The following DACH2 variants were observed in gnomAD, a reference collection of about 807,000 sequenced individuals.
The protein encoded by DACH2 is dachshund family transcription factor 2, also known as dachshund homolog 2.
Under a neutral mutation model 35.8 loss-of-function variants are expected in DACH2, and 17 were observed. That is an observed-to-expected ratio of 0.48 (90% CI 0.33 to 0.71). The LOEUF is 0.71. Among genes scored for constraint, DACH2 ranks in the 30% least tolerant of loss-of-function variants. DACH2 has a pLI of 0.02. For missense variants in DACH2, 469 were observed against 472.7 expected, an observed-to-expected ratio of 0.99 and a Z score of 0.07; for synonymous variants, 195 against 177.3, an observed-to-expected ratio of 1.10 and a Z score of -0.79.
intron 7 of DACH2, among the ~76,000 whole-genome samples, chrX:86,765,665 G>A (rs1291864548): frequency 2.1e-5 from 2 of 94,183 alleles, no homozygotes; most frequent in African/African-American, 7.9e-5. Context: ...CAGGTAATGT[G>A]ATGCCTCTGG....
At chrX:86,154,979 C>T (rs1049287109) in intron 1 of DACH2, among the ~76,000 whole-genome samples, 1 of 111,159 alleles carries the variant, frequency 9.0e-6, no homozygotes, top group African/African-American at 3.3e-5. Flanking sequence ...ATATTGTGAA[C>T]TATTCCAAAA....
At chrX:86,817,680 A>G (rs1381968529) in intron 11 of DACH2, among the ~76,000 whole-genome samples, 1 of 111,219 alleles carries the variant, frequency 9.0e-6, no homozygotes. Context: ...ATCTTTCTTA[A>G]CTCTGAGAGA....
intron 1 of DACH2, among the ~76,000 whole-genome samples, chrX:86,284,548 C>G (rs1208193364): frequency 9.1e-6 from 1 of 109,490 alleles, no homozygotes; most frequent in Non-Finnish European, 1.9e-5. Flanking sequence ...CTGTAGTTTT[C>G]TTTTCTTTCT....
chrX:86,444,169 T>C (rs1014297965), intron 2 of DACH2, among the ~76,000 whole-genome samples: 1 of 111,979 alleles, frequency 8.9e-6, no homozygotes, highest in Non-Finnish European at 1.9e-5. Context: ...TGGTTCACTG[T>C]AGCCTTGAAC....
chrX:86,653,729 G>A (rs1025174193), intron 4 of DACH2, among the ~76,000 whole-genome samples: 3 of 95,926 alleles, frequency 3.1e-5, no homozygotes, highest in Non-Finnish European at 6.1e-5. Flanking sequence ...GCAGTGGCAC[G>A]ATCTTGGCTC....
intron 1 of DACH2, chrX:86,345,360 C>T: frequency 3.7e-6 from 1 of 269,229 alleles, no homozygotes; most frequent in Non-Finnish European, 7.0e-6. Flanking sequence ...AATGCAAGAC[C>T]TCTCCATCAA....
intron 2 of DACH2, among the ~76,000 whole-genome samples, chrX:86,403,233 C>T (rs1364860813): frequency 8.9e-6 from 1 of 111,977 alleles, no homozygotes; most frequent in African/African-American, 3.2e-5. Flanking sequence ...AAATTTTCAT[C>T]AGAGTAAACA....
At chrX:86,529,306 A>C (rs1447231057) in intron 3 of DACH2, among the ~76,000 whole-genome samples, 1 of 110,486 alleles carries the variant, frequency 9.1e-6, no homozygotes, top group Non-Finnish European at 1.9e-5. Flanking sequence ...CAGCCTCCCA[A>C]AGTGCTGGGA....
At chrX:86,798,339 AAACT>A (rs1206317543) in intron 7 of DACH2, among the ~76,000 whole-genome samples, 67 of 112,424 alleles carry the variant, frequency 6.0e-4, no homozygotes, top group African/African-American at 2.0e-3. Context: ...ACTAAAAAAC[AAACT>A]AACTGCTGTA....
At chrX:86,451,973 T>C (rs1198322388) in intron 2 of DACH2, among the ~76,000 whole-genome samples, 2 of 111,683 alleles carry the variant, frequency 1.8e-5, no homozygotes, top group African/African-American at 6.5e-5. Flanking sequence ...ATGTTATAGA[T>C]GGCTCTTATT....
intron 3 of DACH2, among the ~76,000 whole-genome samples, chrX:86,615,716 A>G (rs12689011): frequency 0.093 from 10,297 of 110,513 alleles, 446 homozygotes; most frequent in East Asian, 0.3. Context: ...CCGGTATTAT[A>G]TACCACATGG....
At chrX:86,677,019 C>T (rs945696194) in intron 4 of DACH2, among the ~76,000 whole-genome samples, 6 of 111,046 alleles carry the variant, frequency 5.4e-5, no homozygotes, top group Admixed American at 9.6e-5. Context: ...TTTTACATGG[C>T]AAAATAGAGA....
chrX:86,714,013 T>G (rs768103654), intron 5 of DACH2, among the ~76,000 whole-genome samples: 1 of 111,793 alleles, frequency 8.9e-6, no homozygotes, highest in Non-Finnish European at 1.9e-5. Context: ...TTAAAGCTAT[T>G]AATATAAGCA....
chrX:86,636,381 G>A (rs1181203135), intron 3 of DACH2, among the ~76,000 whole-genome samples: 10 of 108,799 alleles, frequency 9.2e-5, no homozygotes, highest in African/African-American at 3.0e-4. Context: ...GCGGGAGGCA[G>A]AGGTTGCAGT....
chrX:86,581,472 A>T (rs2039499949), intron 3 of DACH2, among the ~76,000 whole-genome samples: 1 of 111,691 alleles, frequency 9.0e-6, no homozygotes, highest in African/African-American at 3.3e-5. Flanking sequence ...GCAGTGTTTG[A>T]GAGATGCATC....
At chrX:86,403,161 A>T (rs1312663341) in intron 2 of DACH2, among the ~76,000 whole-genome samples, 1 of 112,526 alleles carries the variant, frequency 8.9e-6, no homozygotes, top group African/African-American at 3.2e-5. Context: ...AAGCCATTGC[A>T]ACACAAACAA....
intron 3 of DACH2, among the ~76,000 whole-genome samples, chrX:86,619,556 A>G (rs570038256): frequency 8.9e-6 from 1 of 112,228 alleles, no homozygotes; most frequent in Admixed American, 9.5e-5. Flanking sequence ...TTGTCCTATG[A>G]ACTCTGTGGC....
intron 1 of DACH2, among the ~76,000 whole-genome samples, chrX:86,279,278 C>T (rs2033978540): frequency 8.9e-6 from 1 of 111,947 alleles, no homozygotes. Context: ...GGCACAGACA[C>T]CTCATACAGG....
At chrX:86,667,613 A>G (rs201906882) in intron 4 of DACH2, among the ~76,000 whole-genome samples, 1,473 of 93,480 alleles carry the variant, frequency 0.016, 69 homozygotes, top group African/African-American at 0.051. Flanking sequence ...AGAAAGAAAG[A>G]AAGGCAGGCA....
Sources: gnomAD v4.1 joint callset for allele counts (sites outside exome capture counted in the v4.1 genomes callset) on GRCh38, gnomAD v4.1.1 for gene constraint, MANE v1.5 for transcripts, NCBI Gene and HGNC (gene_info 2026-07-23, HGNC 2026-07-21) for gene names.